Variants in CNBD1 observed in about 807,000 individuals in gnomAD.
CNBD1 encodes cyclic nucleotide-binding domain-containing protein 1.
Under a neutral mutation model 54.4 loss-of-function variants are expected in CNBD1, and 71 were observed. The observed-to-expected ratio is 1.30, with a 90% CI of 1.08 to 1.59. CNBD1 has a LOEUF of 1.59. Among genes scored for constraint, CNBD1 ranks in the 40% most tolerant of loss-of-function variants. The pLI, the probability that CNBD1 is intolerant of heterozygous loss-of-function variation, is 0.00. For synonymous variants in CNBD1, 182 were observed against 170.7 expected, an observed-to-expected ratio of 1.07 and a Z score of -0.51; for missense variants, 659 against 518.0, an observed-to-expected ratio of 1.27 and a Z score of -2.64.
At chr8:87,009,591 C>A (rs1296368180) in intron 4 of CNBD1, among the ~76,000 whole-genome samples, 1 of 152,112 alleles carries the variant, frequency 6.6e-6, no homozygotes, top group Non-Finnish European at 1.5e-5. Flanking sequence ...CATGAGCCAC[C>A]ACACCTGGCC....
At chr8:87,412,667 G>C (rs1807767887) in intron 2 of CNBD1, among the ~76,000 whole-genome samples, 1 of 152,066 alleles carries the variant, frequency 6.6e-6, no homozygotes, top group Admixed American at 6.6e-5. Context: ...TGTCTCAATT[G>C]ATAGATGTTT....
rs550230672 is a variant in CNBD1, at chr8:87,313,790, A to G, written c.1042+27119A>G. Among the ~76,000 whole-genome samples the G allele has an allele frequency of 7.2e-5, 11 of 152,068 alleles. No individual in the cohort carries two copies. The East Asian group carries it at 2.1e-3, about 29-fold the overall frequency. On this transcript the variant is annotated intron_variant, in intron 8 of 10. Transcript: ENST00000518476. ...AAAATAAGATTAAATGCTTATATGC[A>G]TTTAATTTTTTAACATTTTACCTAC...
chr8:87,344,020 T>C (rs942284165), intron 8 of CNBD1, among the ~76,000 whole-genome samples: 4 of 152,082 alleles, frequency 2.6e-5, no homozygotes, highest in East Asian at 1.9e-4. Context: ...GAGCACTAGA[T>C]AGTCAATATT....
intron 4 of CNBD1, among the ~76,000 whole-genome samples, chr8:86,949,499 G>A (rs915855782): frequency 5.3e-5 from 8 of 151,972 alleles, no homozygotes; most frequent in African/African-American, 9.7e-5. Context: ...AATTGTATTC[G>A]TGGCTATAGT....
intron 5 of CNBD1, among the ~76,000 whole-genome samples, chr8:87,226,312 A>G (rs1203476432): frequency 1.3e-5 from 2 of 150,216 alleles, no homozygotes; most frequent in Non-Finnish European, 2.9e-5. Flanking sequence ...GTGCTTTTCT[A>G]GTTCTTTTAA....
chr8:87,151,635 G>A (rs1812606830), intron 4 of CNBD1, among the ~76,000 whole-genome samples: 2 of 152,088 alleles, frequency 1.3e-5, no homozygotes, highest in Non-Finnish European at 2.9e-5. Context: ...ATGACATGGG[G>A]AAATAACCAA....
At chr8:86,889,629 C>T (rs558569271) in intron 2 of CNBD1, among the ~76,000 whole-genome samples, 1 of 152,004 alleles carries the variant, frequency 6.6e-6, no homozygotes, top group African/African-American at 2.4e-5. Context: ...GTATATTATC[C>T]TGGGATTTTT....
intron 6 of CNBD1, among the ~76,000 whole-genome samples, chr8:87,274,047 T>C (rs1312258359): frequency 2.6e-5 from 4 of 151,778 alleles, no homozygotes; most frequent in Admixed American, 2.6e-4. Context: ...TGCGATAGTT[T>C]ACTGAGAATG....
intron 4 of CNBD1, among the ~76,000 whole-genome samples, chr8:87,136,965 TTA>T (rs1221858702): frequency 1.1e-5 from 1 of 88,112 alleles, no homozygotes; most frequent in Non-Finnish European, 2.0e-5. Flanking sequence ...TCTATGTAAA[TTA>T]TATATATTTA....
intron 4 of CNBD1, among the ~76,000 whole-genome samples, chr8:87,178,205 CA>C (rs1563497055): frequency 6.6e-6 from 1 of 152,080 alleles, no homozygotes; most frequent in African/African-American, 2.4e-5. Flanking sequence ...ACTGACAATA[CA>C]AAGAGGAAAA....
chr8:86,869,681 G>C (rs938566190), intron 1 of CNBD1, among the ~76,000 whole-genome samples: 15 of 152,146 alleles, frequency 9.9e-5, no homozygotes, highest in African/African-American at 3.4e-4. Flanking sequence ...CAGAAGAGCT[G>C]TTCCACTTTT....
chr8:87,171,471 T>C (rs1004668086), intron 4 of CNBD1, among the ~76,000 whole-genome samples: 1 of 151,994 alleles, frequency 6.6e-6, no homozygotes, highest in African/African-American at 2.4e-5. Context: ...ACTTTTTGTT[T>C]TGTTGATCTT....
At chr8:87,347,833 A>G (rs1051642904) in intron 8 of CNBD1, among the ~76,000 whole-genome samples, 13 of 152,186 alleles carry the variant, frequency 8.5e-5, no homozygotes, top group Non-Finnish European at 1.2e-4. Context: ...GGGGATCTCT[A>G]ATACCAAATA....
chr8:86,945,886 A>G (rs887607910), intron 4 of CNBD1, among the ~76,000 whole-genome samples: 14 of 152,356 alleles, frequency 9.2e-5, no homozygotes, highest in African/African-American at 3.4e-4. Context: ...TGTCTGCGGC[A>G]GCTAGATTGA....
At chr8:87,053,505 G>T (rs1810353410) in intron 4 of CNBD1, among the ~76,000 whole-genome samples, 1 of 152,144 alleles carries the variant, frequency 6.6e-6, no homozygotes, top group Non-Finnish European at 1.5e-5. Flanking sequence ...CTTTTGGAGT[G>T]ACCCAGCATG....
intron 6 of CNBD1, among the ~76,000 whole-genome samples, chr8:87,251,404 T>C (rs1466392349): frequency 6.6e-6 from 1 of 151,910 alleles, no homozygotes; most frequent in African/African-American, 2.4e-5. Context: ...CTGGCCAATA[T>C]AGTGAAACCC....
intron 4 of CNBD1, among the ~76,000 whole-genome samples, chr8:87,185,436 AGT>A (rs1813453523): frequency 6.6e-6 from 1 of 152,192 alleles, no homozygotes; most frequent in Non-Finnish European, 1.5e-5. Context: ...CATCATACAT[AGT>A]GTGAACTTTG....
chr8:87,191,420 C>T (rs1043284766), intron 4 of CNBD1, among the ~76,000 whole-genome samples: 1 of 152,132 alleles, frequency 6.6e-6, no homozygotes, highest in Non-Finnish European at 1.5e-5. Flanking sequence ...TCTCCCATTC[C>T]ACCAACTCAA....
At chr8:87,145,893 C>G (rs1812476109) in intron 4 of CNBD1, among the ~76,000 whole-genome samples, 1 of 152,096 alleles carries the variant, frequency 6.6e-6, no homozygotes, top group African/African-American at 2.4e-5. Context: ...AGTTAACAGT[C>G]TGCAGGATCA....
Sources: allele counts gnomAD v4.1 joint callset (sites outside exome capture counted in the v4.1 genomes callset), GRCh38; gene constraint gnomAD v4.1.1; transcripts MANE v1.5; gene names NCBI Gene and HGNC (gene_info 2026-07-23, HGNC 2026-07-21).